The following BCR variants were observed in gnomAD, a reference collection of about 807,000 sequenced individuals.
The protein encoded by BCR is BCR activator of RhoGEF and GTPase.
In BCR, 58 loss-of-function variants were observed where a neutral mutation model predicts 138.6. That is an observed-to-expected ratio of 0.42 (90% CI 0.34 to 0.52). BCR has a LOEUF of 0.52. Ranked by LOEUF, BCR falls within the 20% of genes least tolerant of loss-of-function variation. The pLI is 0.06. For missense variants in BCR, 1,599 were observed against 1,727.2 expected (o/e 0.93, Z 1.32); for synonymous variants, 786 against 730.1 (o/e 1.08, Z -1.23).
Position 23,182,164 on chromosome 22 carries a change from G to C in BCR, c.1204G>C (p.Ala402Pro), listed in dbSNP as rs761256537. 1.2e-6 allele frequency: 2 copies of C among 1,606,918 alleles called. No individual in the cohort carries two copies. Among genetic ancestry groups the C allele is most frequent in the Admixed American group, 3.3e-5 (2 of 59,894 alleles). ...GCACTGCCCGGTTGTCGTGTCCGAG[G>C]CCACCATCGTGGGCGTCCGCAAGAC... is the stretch of plus-strand genomic sequence containing the variant. ...HRHCPVVVSE[A>P]TIVGVRKTGQ... The change falls in exon 1 of 23, where the codon GCC becomes CCC. Residue 402 changes from alanine (A) to proline (P), a missense_variant. Ala to Pro is a conservative substitution (Grantham distance 27). Around this residue, in one of 4 missense-constraint regions of BCR, gnomAD observed 806 missense variants for 635.0 expected, o/e 1.27. Coordinates refer to ENST00000305877, the MANE Select transcript of BCR (RefSeq NM_004327.4).
chr22:23,261,166 C>T, intron 3 of BCR, 112 bp downstream of exon 3: 1 of 1,274,124 alleles, frequency 7.8e-7, no homozygotes, highest in South Asian at 1.3e-5. Flanking sequence ...GTGCAGCTCG[C>T]CATCCCTGGA....
chr22:23,289,316 G>A (rs569162550), intron 12 of BCR, among the ~76,000 whole-genome samples: 2 of 152,284 alleles, frequency 1.3e-5, no homozygotes, highest in East Asian at 3.9e-4. Flanking sequence ...TCCAGGCCTG[G>A]GCTCTCCAGG....
At chr22:23,310,014 A>G (rs131703) in intron 17 of BCR, 167,650 of 416,580 alleles carry the variant, frequency 0.4, 34,509 homozygotes, top group East Asian at 0.6. Flanking sequence ...AATCACTGGA[A>G]CCCAAGAGTT....
intron 1 of BCR, among the ~76,000 whole-genome samples, chr22:23,246,295 T>C (rs2073156421): frequency 6.6e-6 from 1 of 152,052 alleles, no homozygotes; most frequent in Non-Finnish European, 1.5e-5. Context: ...TAGCTGGACA[T>C]AATGGCACAC....
At position 23,237,577 on chromosome 22, in the gene BCR, T is replaced by C. The variant is rs151007549; in HGVS notation, c.1280-16222T>C. Among the ~76,000 whole-genome samples, 182 of 152,386 alleles carry C rather than the reference T, an allele frequency of 1.2e-3. 3 individuals carry two copies. Among genetic ancestry groups the C allele is most frequent in the Admixed American group, 2.0e-3 (30 of 15,310 alleles). On this transcript the variant is annotated intron_variant, in intron 1 of 22. Transcript: ENST00000305877. ...TCTGGCTCGTTCCTCAGCTGTTTTC[T>C]GTGGCCTGCAGAGTTTGCAGCCCCA...
chr22:23,192,918 G>C (rs1434321165), intron 1 of BCR, among the ~76,000 whole-genome samples: 1 of 152,142 alleles, frequency 6.6e-6, no homozygotes, highest in Non-Finnish European at 1.5e-5. Context: ...AGTGACCAGG[G>C]AGCACTGGGA....
chr22:23,226,997 C>T (rs1165219991), intron 1 of BCR, among the ~76,000 whole-genome samples: 1 of 152,142 alleles, frequency 6.6e-6, no homozygotes, highest in Admixed American at 6.5e-5. Flanking sequence ...CTGGAGGTGT[C>T]TGGAGCAGGA....
chr22:23,219,592 C>T (rs1461205617), intron 1 of BCR, among the ~76,000 whole-genome samples: 4 of 152,248 alleles, frequency 2.6e-5, no homozygotes. Flanking sequence ...CAAGGTCACG[C>T]ATCTCAGGCA....
intron 11 of BCR, among the ~76,000 whole-genome samples, chr22:23,287,631 CT>C (rs2073731552): frequency 6.6e-6 from 1 of 152,254 alleles, no homozygotes; most frequent in Non-Finnish European, 1.5e-5. Context: ...CTGCTGCCAT[CT>C]GTAACCTGGG....
chr22:23,296,157 G>A (rs1024712310), intron 16 of BCR, among the ~76,000 whole-genome samples: 3 of 151,898 alleles, frequency 2.0e-5, no homozygotes, highest in Admixed American at 6.6e-5. Context: ...GGCGGATCAC[G>A]AGGTCAGGAG....
chr22:23,286,515 G>T (rs1268843866), intron 10 of BCR, among the ~76,000 whole-genome samples: 1 of 152,232 alleles, frequency 6.6e-6, no homozygotes, highest in Non-Finnish European at 1.5e-5. Context: ...CACACAGAGT[G>T]GGAGCCAGTG....
intron 11 of BCR, among the ~76,000 whole-genome samples, chr22:23,287,482 G>GGAGTGGACC (rs2073729730): frequency 6.6e-6 from 1 of 152,254 alleles, no homozygotes; most frequent in South Asian, 2.1e-4. Flanking sequence ...AGCTCCCACA[G>GGAGTGGACC]CTGGGAGTGG....
At chr22:23,315,360 C>G in intron 22 of BCR, 73 bp from the exon 23 acceptor site, 4 of 1,425,174 alleles carry the variant, frequency 2.8e-6, no homozygotes, top group Non-Finnish European at 4.0e-6. Flanking sequence ...AGGCTTGGGC[C>G]CCAAAGACCT....
At chr22:23,214,741 T>C (rs2072730930) in intron 1 of BCR, among the ~76,000 whole-genome samples, 1 of 152,240 alleles carries the variant, frequency 6.6e-6, no homozygotes, top group Non-Finnish European at 1.5e-5. Context: ...TGAGCGTGCA[T>C]TGTCCAAACC....
At chr22:23,208,323 G>A (rs770419766) in intron 1 of BCR, among the ~76,000 whole-genome samples, 11 of 152,156 alleles carry the variant, frequency 7.2e-5, no homozygotes, top group Non-Finnish European at 1.2e-4. Context: ...TCTGTCTGGT[G>A]CGGGTTGAAG....
intron 1 of BCR, among the ~76,000 whole-genome samples, chr22:23,188,228 TC>T (rs767971918): frequency 1.2e-4 from 19 of 152,158 alleles, no homozygotes; most frequent in Non-Finnish European, 2.6e-4. Flanking sequence ...AGAGTCTAGA[TC>T]AAATTTTACA....
chr22:23,256,800 AAC>A (rs1326843550), intron 2 of BCR, among the ~76,000 whole-genome samples: 1 of 152,108 alleles, frequency 6.6e-6, no homozygotes, highest in Non-Finnish European at 1.5e-5. Flanking sequence ...GCCAGCTGAC[AAC>A]AGTTTTATTC....
intron 1 of BCR, among the ~76,000 whole-genome samples, chr22:23,215,645 T>TG (rs1269915249): frequency 6.6e-6 from 1 of 152,164 alleles, no homozygotes; most frequent in African/African-American, 2.4e-5. Flanking sequence ...GGCACAAACC[T>TG]GGTGGCTTGT....
At chr22:23,242,986 G>A in intron 1 of BCR, 1 of 428,308 alleles carries the variant, frequency 2.3e-6, no homozygotes, top group Non-Finnish European at 4.7e-6. Context: ...ATGGCCTCCT[G>A]TATGCCTGTG....
Sources: gnomAD v4.1 joint callset for allele counts (sites outside exome capture counted in the v4.1 genomes callset) on GRCh38, gnomAD v4.1.1 for gene constraint, gnomAD v4.1.1 regional missense constraint, MANE v1.5 for transcripts, NCBI Gene and HGNC (gene_info 2026-07-23, HGNC 2026-07-21) for gene names.